APOLD1: variants seen among roughly 807,000 people sequenced by gnomAD.
APOLD1 encodes the protein apolipoprotein L domain-containing protein 1.
APOLD1 carries 22 observed loss-of-function variants against 15.3 expected under a neutral mutation model. That is an observed-to-expected ratio of 1.44 (90% CI 1.03 to 2.05). The LOEUF (loss-of-function observed/expected upper bound fraction) is 2.05. Among genes scored for constraint, APOLD1 ranks in the 30% most tolerant of loss-of-function variants. APOLD1 has a pLI of 0.00. For synonymous variants in APOLD1, 190 were observed against 167.4 expected (o/e 1.13, Z -1.04); for missense variants, 394 against 353.5 (o/e 1.11, Z -0.92).
chr12:12,748,623 A>T (rs935914574), intron 1 of APOLD1, among the ~76,000 whole-genome samples: 1 of 149,666 alleles, frequency 6.7e-6, no homozygotes, highest in African/African-American at 2.5e-5. Context: ...TCTTTCTTCT[A>T]GCTATTTTGA....
intron 1 of APOLD1, among the ~76,000 whole-genome samples, chr12:12,729,384 T>C (rs1413451850): frequency 2.6e-5 from 4 of 152,124 alleles, no homozygotes; most frequent in Admixed American, 2.6e-4. Context: ...GGGGAAAGAC[T>C]TTCTGAGTAC....
chr12:12,772,304 A>G (rs1429287602), intron 1 of APOLD1, among the ~76,000 whole-genome samples: 2 of 152,238 alleles, frequency 1.3e-5, no homozygotes, highest in African/African-American at 4.8e-5. Flanking sequence ...ATACACCCTG[A>G]CAACACTAAT....
chr12:12,750,041 C>CT (rs986214011), intron 1 of APOLD1, among the ~76,000 whole-genome samples: 20 of 151,900 alleles, frequency 1.3e-4, no homozygotes, highest in African/African-American at 4.8e-4. Flanking sequence ...TACCCCCACA[C>CT]TGAAATCCCT....
upstream of APOLD1, among the ~76,000 whole-genome samples, chr12:12,780,664 C>T (rs1947072710): frequency 6.7e-6 from 1 of 148,796 alleles, no homozygotes; most frequent in African/African-American, 2.5e-5. Context: ...TCTTGGCTCA[C>T]TGCAACCTCT....
intron 1 of APOLD1, among the ~76,000 whole-genome samples, chr12:12,754,074 G>A (rs1025153679): frequency 2.2e-4 from 33 of 151,396 alleles, no homozygotes; most frequent in African/African-American, 7.5e-4. Flanking sequence ...AATTAACTGG[G>A]CGCCTGTAAT....
chr12:12,750,261 A>G (rs1442979736), intron 1 of APOLD1, among the ~76,000 whole-genome samples: 1 of 149,690 alleles, frequency 6.7e-6, no homozygotes, highest in Non-Finnish European at 1.5e-5. Flanking sequence ...AATCCCAGCT[A>G]CCTGGGAGGC....
intron 1 of APOLD1, among the ~76,000 whole-genome samples, chr12:12,778,777 C>G: frequency 6.6e-6 from 1 of 152,216 alleles, no homozygotes; most frequent in East Asian, 1.9e-4. Context: ...CCATTGCATC[C>G]TACCAACATT....
At chr12:12,777,533 G>A (rs1237505204) in intron 1 of APOLD1, among the ~76,000 whole-genome samples, 1 of 152,106 alleles carries the variant, frequency 6.6e-6, no homozygotes, top group East Asian at 1.9e-4. Flanking sequence ...AAAAGGTTTG[G>A]GACTAGAAGT....
intron 1 of APOLD1, among the ~76,000 whole-genome samples, chr12:12,754,213 G>C (rs12820533): frequency 2.1e-5 from 1 of 47,416 alleles, no homozygotes; most frequent in Admixed American, 2.4e-4. Flanking sequence ...AAAAAAAAAA[G>C]GAAAAAGAAA....
At chr12:12,786,842 G>A (rs931449345) in intron 1 of APOLD1, 67 bp from the exon 2 acceptor site, 2 of 1,347,404 alleles carry the variant, frequency 1.5e-6, no homozygotes, top group Admixed American at 4.1e-5. Flanking sequence ...CTGGCGTCCG[G>A]GCAGCAGGGC....
At chr12:12,754,661 C>A (rs1203368252) in intron 1 of APOLD1, among the ~76,000 whole-genome samples, 1 of 151,944 alleles carries the variant, frequency 6.6e-6, no homozygotes, top group Non-Finnish European at 1.5e-5. Context: ...GAACTCCTGA[C>A]CTCCAGTGAT....
chr12:12,729,867 T>C (rs1289030022), intron 1 of APOLD1, among the ~76,000 whole-genome samples: 4 of 152,068 alleles, frequency 2.6e-5, no homozygotes, highest in Admixed American at 1.3e-4. Flanking sequence ...AATATACAAC[T>C]ACTGGGACAT....
intron 1 of APOLD1, among the ~76,000 whole-genome samples, chr12:12,743,178 T>C (rs1160517891): frequency 6.6e-6 from 1 of 152,240 alleles, no homozygotes; most frequent in Non-Finnish European, 1.5e-5. Context: ...CCAAGTGTTG[T>C]TTGCTAATGT....
intron 1 of APOLD1, chr12:12,764,738 C>A: frequency 2.0e-6 from 1 of 494,630 alleles, no homozygotes; most frequent in Non-Finnish European, 4.2e-6. Flanking sequence ...CACTCATACA[C>A]CTTTATGTGC....
At chr12:12,780,001 C>G (rs370633561) in intron 1 of APOLD1, among the ~76,000 whole-genome samples, 1 of 152,034 alleles carries the variant, frequency 6.6e-6, no homozygotes, top group African/African-American at 2.4e-5. Flanking sequence ...TCCTAGAGGT[C>G]TTCTGCAGAA....
At chr12:12,776,493 T>A (rs1260314590) in intron 1 of APOLD1, among the ~76,000 whole-genome samples, 1 of 152,184 alleles carries the variant, frequency 6.6e-6, no homozygotes, top group African/African-American at 2.4e-5. Flanking sequence ...AGAAAAGGCA[T>A]GTGGTAAACT....
intron 1 of APOLD1, among the ~76,000 whole-genome samples, chr12:12,756,496 A>G (rs1459749524): frequency 2.6e-5 from 4 of 152,142 alleles, no homozygotes; most frequent in Admixed American, 2.6e-4. Context: ...TCCTTCCTCT[A>G]TGGATTTTTT....
In APOLD1 at chr12:12,732,950, C is replaced by G. The variant is rs532401617; in HGVS notation, c.96+6854C>G. Among the ~76,000 whole-genome samples the G allele has an allele frequency of 2.0e-4, 31 of 151,722 alleles. No homozygotes were observed. In the South Asian group the frequency reaches 6.0e-3, roughly 30 times the overall value. Reference sequence around the variant, plus strand: ...GAATTGATTATTTGATTGAACTAACCATAGTATATGCAAGAAGGGTACAAA... The same window carrying G: ...GAATTGATTATTTGATTGAACTAACGATAGTATATGCAAGAAGGGTACAAA... On this transcript the variant is annotated intron_variant, in intron 1 of 1. Coordinates refer to the APOLD1 transcript ENST00000326765.
At chr12:12,771,869 C>T (rs1592305466) in intron 1 of APOLD1, among the ~76,000 whole-genome samples, 1 of 152,030 alleles carries the variant, frequency 6.6e-6, no homozygotes, top group South Asian at 2.1e-4. Context: ...TTATAAGGTA[C>T]TCACACTAAC....
Sources: allele counts gnomAD v4.1 joint callset (sites outside exome capture counted in the v4.1 genomes callset), GRCh38; gene constraint gnomAD v4.1.1; transcripts MANE v1.5; gene names NCBI Gene and HGNC (gene_info 2026-07-23, HGNC 2026-07-21).